Variants in PLXNA1 observed in about 807,000 individuals in gnomAD.
PLXNA1 encodes the protein plexin-A1.
Under a neutral mutation model 191.7 loss-of-function variants are expected in PLXNA1, and 77 were observed. The ratio of observed to expected loss-of-function variants is 0.40; its 90% CI spans 0.33 to 0.49. The LOEUF is 0.49. Ranked by LOEUF, PLXNA1 falls within the 20% of genes least tolerant of loss-of-function variation. The probability of loss-of-function intolerance (pLI) is 0.63; values close to 1 mark genes in which losing one functional copy is unlikely to be tolerated. For synonymous variants in PLXNA1, 1,137 were observed against 1,156.4 expected, an observed-to-expected ratio of 0.98 and a Z score of 0.34; for missense variants, 2,110 against 2,660.2, an observed-to-expected ratio of 0.79 and a Z score of 4.55.
chr3:127,004,960 G>A lies in PLXNA1; in HGVS notation c.1695G>A (p.Gln565=). The A allele has an allele frequency of 6.2e-7, 1 of 1,610,762 alleles. No homozygotes were observed. Among genetic ancestry groups the A allele is most frequent in the Non-Finnish European group, 8.5e-7 (1 of 1,178,342 alleles). Reference sequence around the variant, plus strand: ...CTGCGGACCTGCTGCAGTGTGTGCAGCTGACTGTGCAGCCCCGCAATGTGT... The same window carrying A: ...CTGCGGACCTGCTGCAGTGTGTGCAACTGACTGTGCAGCCCCGCAATGTGT... ...RFAADLLQCV[Q]LTVQPRNVSV... Residue 565 remains glutamine (Q), a synonymous_variant, in exon 6 of 32, where the codon CAG becomes CAA. Coordinates refer to ENST00000393409, the MANE Select transcript of PLXNA1 (RefSeq NM_032242.4).
At position 127,014,793 on chromosome 3, in the gene PLXNA1, C is replaced by T. The variant is rs754231047; in HGVS notation, c.2839C>T (p.His947Tyr). ...GGTGTGTGTGCGGGACTGCTCACCA[C>T]ACTACCGCGCCCTGTCACCCAAGCG... ...VEVCVRDCSP[H>Y]YRALSPKRFT... Residue 947 changes from histidine (H) to tyrosine (Y), a missense_variant, in exon 14 of 32, where the codon CAC (histidine) becomes TAC (tyrosine). By Grantham distance (83) the His-to-Tyr change is moderately conservative (BLOSUM62 2). Around this residue, in one of 4 missense-constraint regions of PLXNA1, gnomAD observed 644 missense variants for 714.3 expected, o/e 0.90. Coordinates refer to ENST00000393409, the MANE Select transcript of PLXNA1 (RefSeq NM_032242.4). 1 of 1,612,786 alleles carries T rather than the reference C, an allele frequency of 6.2e-7. No homozygotes were observed. The highest frequency in any genetic ancestry group is 1.1e-5 in the South Asian group (1 of 91,052).
At chr3:127,004,382 C>A (rs1218244685) in intron 4 of PLXNA1, among the ~76,000 whole-genome samples, 1 of 152,216 alleles carries the variant, frequency 6.6e-6, no homozygotes, top group African/African-American at 2.4e-5. Flanking sequence ...TGTCTCACCC[C>A]ATATGGACTG....
At chr3:126,997,944 T>G (rs970332485) in intron 3 of PLXNA1, among the ~76,000 whole-genome samples, 2 of 152,188 alleles carry the variant, frequency 1.3e-5, no homozygotes, top group South Asian at 4.1e-4. Context: ...AGGGGCAGCC[T>G]TGTGAGTATC....
intron 23 of PLXNA1, chr3:127,027,584 C>A: frequency 2.3e-6 from 1 of 440,560 alleles, no homozygotes; most frequent in Non-Finnish European, 4.5e-6. Flanking sequence ...TGGAGCTAGG[C>A]GGGGATCCTG....
At position 127,028,100 on chromosome 3, in the gene PLXNA1, C is replaced by T; in HGVS notation, c.4509+14C>T. The T allele has an allele frequency of 1.2e-6, 2 of 1,613,776 alleles. No homozygotes were observed. On this transcript the variant is annotated intron_variant, in intron 24 of 31. Coordinates refer to ENST00000393409, the MANE Select transcript of PLXNA1 (RefSeq NM_032242.4). ...TACAAGACACTGGTGAGCGTGGCTG[C>T]CCTCTGTCCTGGGTGCCCTGGTGCC...
In PLXNA1 at chr3:126,988,772, C is replaced by A. The variant is rs1016498364; in HGVS notation, c.179C>A (p.Thr60Lys). The change falls in exon 2 of 32, where the codon ACA (threonine) becomes AAA (lysine). Residue 60 changes from threonine to lysine, a missense_variant. This residue lies in a region of PLXNA1 where 903 missense variants were observed against 1,015.7 expected (regional missense o/e 0.89). Transcript: ENST00000393409. ...GLTHLVVHEQ[T>K]GEVYVGAVNR... ...ACCCACCTAGTGGTGCATGAGCAGACAGGCGAGGTGTATGTGGGCGCAGTG... is the reference window on the plus strand; with the variant it reads ...ACCCACCTAGTGGTGCATGAGCAGAAAGGCGAGGTGTATGTGGGCGCAGTG... The A allele has an allele frequency of 4.6e-5, 74 of 1,604,644 alleles. No individual in the cohort carries two copies. The highest frequency in any genetic ancestry group is 6.1e-5 in the Non-Finnish European group (72 of 1,174,624).
intron 1 of PLXNA1, among the ~76,000 whole-genome samples, chr3:126,985,988 G>C (rs985491534): frequency 2.6e-5 from 4 of 152,258 alleles, no homozygotes; most frequent in Non-Finnish European, 5.9e-5. Flanking sequence ...TTGGGGCAGT[G>C]GGGTGAGGGT....
At chr3:126,986,334 C>T (rs1174004150) in intron 1 of PLXNA1, among the ~76,000 whole-genome samples, 3 of 152,156 alleles carry the variant, frequency 2.0e-5, no homozygotes, top group South Asian at 2.1e-4. Flanking sequence ...GTTCTTGGGG[C>T]GCTGTCCGGC....
At chr3:126,991,859 G>A (rs1049126098) in intron 3 of PLXNA1, among the ~76,000 whole-genome samples, 3 of 152,148 alleles carry the variant, frequency 2.0e-5, no homozygotes, top group African/African-American at 7.2e-5. Context: ...GCTCTCCAAG[G>A]GCACTTGACC....
intron 23 of PLXNA1, among the ~76,000 whole-genome samples, chr3:127,023,475 T>A (rs1409597400): frequency 6.6e-6 from 1 of 152,228 alleles, no homozygotes; most frequent in Non-Finnish European, 1.5e-5. Context: ...GCCCGGTGTG[T>A]GCATGGTGAA....
At chr3:127,028,896 TGA>T in intron 25 of PLXNA1, 95 bp from the exon 26 acceptor site, 1 of 853,008 alleles carries the variant, frequency 1.2e-6, no homozygotes, top group Non-Finnish European at 1.9e-6. Flanking sequence ...GTGCTGGTGC[TGA>T]GAGCTGCAGG....
chr3:127,009,616 C>T (rs1463604917), intron 9 of PLXNA1, among the ~76,000 whole-genome samples: 5 of 151,430 alleles, frequency 3.3e-5, no homozygotes, highest in African/African-American at 1.2e-4. Context: ...CGGGCCACCC[C>T]CTGAGACAGG....
rs992050293 is a variant in PLXNA1 at position 127,034,094 on chromosome 3, G to A, written c.*77G>A. 8.4e-6 allele frequency: 11 copies of A among 1,315,462 alleles called. No individual in the cohort carries two copies. Among genetic ancestry groups the A allele is most frequent in the East Asian group, 7.6e-5 (3 of 39,488 alleles). 81.5% of individuals were successfully genotyped at this position (1,315,462 alleles called of 1,614,324 possible). A position where few individuals can be genotyped will look rare whatever the true frequency, so the allele number is the denominator to read the frequency against. ...GACCGGGACAGCCCTCACCGCATGCGTGTGGAGTGTCCGGTGGTGCTCGGG... is the reference window on the plus strand; with the variant it reads ...GACCGGGACAGCCCTCACCGCATGCATGTGGAGTGTCCGGTGGTGCTCGGG... On this transcript the variant is annotated 3_prime_UTR_variant, in exon 32 of 32. Coordinates refer to ENST00000393409, the MANE Select transcript of PLXNA1 (RefSeq NM_032242.4).
intron 3 of PLXNA1, among the ~76,000 whole-genome samples, chr3:127,002,008 T>G (rs1003784869): frequency 6.6e-6 from 1 of 152,224 alleles, no homozygotes; most frequent in South Asian, 2.1e-4. Flanking sequence ...AAACAAGGAC[T>G]CCTACTCCTG....
At chr3:127,006,041 C>A in intron 7 of PLXNA1, 38 bp from the exon 8 acceptor site, 1 of 1,538,092 alleles carries the variant, frequency 6.5e-7, no homozygotes, top group Non-Finnish European at 9.0e-7. Context: ...GAGTCCTGGG[C>A]AAGCAGTCCT....
chr3:126,983,435 C>CGGGGACTGCGGCGCGCGT (rs1009064712), intron 1 of PLXNA1, among the ~76,000 whole-genome samples, 148 bp downstream of exon 1: 3 of 145,964 alleles, frequency 2.1e-5, no homozygotes, highest in Admixed American at 6.8e-5. Flanking sequence ...GGGGTGTGCG[C>CGGGGACTGCGGCGCGCGT]GGGGACTGCG....
intron 23 of PLXNA1, among the ~76,000 whole-genome samples, chr3:127,025,057 C>T (rs2079170253): frequency 6.6e-6 from 1 of 152,142 alleles, no homozygotes; most frequent in Admixed American, 6.5e-5. Context: ...AGTCAGTGAA[C>T]CTGCCAGGAG....
At position 127,028,999 on chromosome 3, in the gene PLXNA1, G is replaced by A. The variant is rs752837846; in HGVS notation, c.4676G>A (p.Arg1559His). 1.2e-5 allele frequency: 19 copies of A among 1,611,956 alleles called. 1 individual carries two copies. Among genetic ancestry groups the A allele is most frequent in the Admixed American group, 3.3e-5 (2 of 59,960 alleles). The change falls in exon 26 of 32, where the codon CGC becomes CAC. Residue 1559 changes from arginine (R) to histidine (H), a missense_variant. By Grantham distance (29) the Arg-to-His change is conservative (BLOSUM62 0). Transcript: ENST00000393409. ...PKAADMDLEWRQGRMARIILQ... is the reference protein window; with the variant it reads ...PKAADMDLEWHQGRMARIILQ... Reference sequence around the variant, plus strand: ...CAGCTCCCTCCTCCCCCAGAGTGGCGCCAGGGCCGCATGGCGCGCATCATC... The same window carrying A: ...CAGCTCCCTCCTCCCCCAGAGTGGCACCAGGGCCGCATGGCGCGCATCATC...
At position 127,035,366 on chromosome 3, in the gene PLXNA1, T is replaced by C. The variant is rs1235157339; in HGVS notation, c.*1349T>C. 1 of 151,972 alleles carries C rather than the reference T, an allele frequency of 6.6e-6. No homozygotes were observed. The highest frequency in any genetic ancestry group is 1.5e-5 in the Non-Finnish European group (1 of 67,966). 9.4% of individuals were successfully genotyped at this position (151,972 alleles called of 1,614,324 possible). A position where few individuals can be genotyped will look rare whatever the true frequency, so the allele number is the denominator to read the frequency against. On this transcript the variant is annotated 3_prime_UTR_variant, in exon 32 of 32. Transcript: ENST00000393409. ...GCAGTGGGAAAGCAATGCCAAATGG[T>C]TGTGGAGAAAGTGGCCGGAGCCTCC... is the stretch of plus-strand genomic sequence containing the variant.
Sources: gnomAD v4.1 joint callset for allele counts (sites outside exome capture counted in the v4.1 genomes callset) on GRCh38, gnomAD v4.1.1 for gene constraint, gnomAD v4.1.1 regional missense constraint, MANE v1.5 for transcripts, NCBI Gene and HGNC (gene_info 2026-07-23, HGNC 2026-07-21) for gene names.